Variants in UTRN observed in about 807,000 individuals in gnomAD.
UTRN encodes dystrophin-related protein 1.
In UTRN, 283 loss-of-function variants were observed where a neutral mutation model predicts 463.9. The observed-to-expected ratio is 0.61, with a 90% CI of 0.55 to 0.67. The LOEUF (loss-of-function observed/expected upper bound fraction) is 0.67, where lower values mean the gene tolerates loss of function less well. Among genes scored for constraint, UTRN ranks in the 30% least tolerant of loss-of-function variants. The pLI is 0.00. For missense variants in UTRN, 3,922 were observed against 4,084.3 expected (o/e 0.96, Z 1.08); for synonymous variants, 1,442 against 1,431.5 (o/e 1.01, Z -0.17).
intron 2 of UTRN, among the ~76,000 whole-genome samples, chr6:144,310,514 A>G (rs960081707): frequency 5.4e-5 from 8 of 149,026 alleles, no homozygotes; most frequent in African/African-American, 2.0e-4. Context: ...CAGCCTGGGT[A>G]ACAAGAGTGA....
At chr6:144,528,193 C>T (rs183784614) in intron 41 of UTRN, among the ~76,000 whole-genome samples, 1 of 152,124 alleles carries the variant, frequency 6.6e-6, no homozygotes, top group East Asian at 1.9e-4. Flanking sequence ...CGCATCACCA[C>T]ACCAGCTTAT....
At position 144,537,803 on chromosome 6, in the gene UTRN, G is replaced by A. The variant is rs549660571; in HGVS notation, c.6369+86G>A. On this transcript the variant is annotated intron_variant, in intron 44 of 74. Coordinates refer to ENST00000367545, the MANE Select transcript of UTRN (RefSeq NM_007124.3). ...CATACTGCGTGTCTCAAGAAGAAAA[G>A]GGAAAAGAAACTTTGTACTTTTTGG... 1.4e-5 allele frequency: 21 copies of A among 1,510,624 alleles called. No homozygotes were observed. The East Asian group carries it at 3.8e-4, about 28-fold the overall frequency. 93.6% of individuals were successfully genotyped at this position (1,510,624 alleles called of 1,614,324 possible).
At chr6:144,708,798 G>A (rs187721576) in intron 53 of UTRN, among the ~76,000 whole-genome samples, 1 of 152,266 alleles carries the variant, frequency 6.6e-6, no homozygotes, top group African/African-American at 2.4e-5. Flanking sequence ...AAGGAAGAGA[G>A]ATTTATTTGG....
In UTRN at chr6:144,827,632, G is replaced by A. The variant is rs756962662; in HGVS notation, c.9555G>A (p.Leu3185=). 6.2e-7 allele frequency: 1 copy of A among 1,613,506 alleles called. No homozygotes were observed. The highest frequency in any genetic ancestry group is 8.5e-7 in the Non-Finnish European group (1 of 1,179,720). ...EHYDPSQSPQ[L]FHDDTHSRIE... ...AAAGCCCCTCACAATCTCCTCAACT[G>A]TTTCATGATGACACCCATTCAAGAA... The change falls in exon 68 of 75, where the codon CTG becomes CTA. Residue 3185 remains leucine (L), a synonymous_variant. Coordinates refer to ENST00000367545, the MANE Select transcript of UTRN (RefSeq NM_007124.3).
intron 60 of UTRN, among the ~76,000 whole-genome samples, chr6:144,779,664 G>A (rs773143249): frequency 2.6e-5 from 4 of 152,124 alleles, no homozygotes; most frequent in Non-Finnish European, 4.4e-5. Flanking sequence ...AGGCAGGCAC[G>A]TTCAGTGCTT....
rs190692611 is a variant in UTRN at position 144,650,074 on chromosome 6, G to A, written c.7480-28332G>A. ...TGGAGGCCTCACAATCATGGCAGAA[G>A]GCAAAGGAGAAACAAAGGCACATCT... On this transcript the variant is annotated intron_variant, in intron 51 of 74. Transcript: ENST00000367545. 5.9e-5 allele frequency among the ~76,000 whole-genome samples: 9 copies of A among 152,284 alleles called. No homozygotes were observed. In the East Asian group the frequency reaches 1.7e-3, roughly 29 times the overall value.
chr6:144,461,767 C>T (rs75314951), intron 22 of UTRN, among the ~76,000 whole-genome samples: 1 of 152,158 alleles, frequency 6.6e-6, no homozygotes, highest in Admixed American at 6.5e-5. Flanking sequence ...ACACTTGGCC[C>T]ACACTGGGTT....
intron 34 of UTRN, among the ~76,000 whole-genome samples, chr6:144,506,043 A>G (rs940012371): frequency 6.0e-5 from 9 of 149,948 alleles, no homozygotes; most frequent in Admixed American, 5.3e-4. Flanking sequence ...TTGTTAGTTT[A>G]AAGTCTGTTT....
chr6:144,792,557 A>AG (rs1776855151), intron 62 of UTRN, among the ~76,000 whole-genome samples: 5 of 152,258 alleles, frequency 3.3e-5, no homozygotes, highest in South Asian at 2.1e-4. Context: ...CAAAAAAAAA[A>AG]AGAGAGAGAG....
intron 2 of UTRN, among the ~76,000 whole-genome samples, chr6:144,356,070 C>T (rs1441541636): frequency 6.6e-6 from 1 of 152,122 alleles, no homozygotes; most frequent in African/African-American, 2.4e-5. Context: ...TTGTCATTAG[C>T]CTTCTGGAAC....
intron 2 of UTRN, among the ~76,000 whole-genome samples, chr6:144,356,910 T>C (rs891423571): frequency 2.1e-5 from 3 of 144,184 alleles, no homozygotes; most frequent in African/African-American, 7.9e-5. Flanking sequence ...CACACACACA[T>C]ACTGTTTATC....
chr6:144,491,031 G>A lies in UTRN; in HGVS notation c.4366G>A (p.Ala1456Thr). ...DCKRVLDGVK[A>T]ELHVLDVKDV... Reference sequence around the variant, plus strand: ...CAAGCGTGTGCTGGATGGCGTGAAAGCAGAACTTCACGTTCTGGATGTGAA... The same window carrying A: ...CAAGCGTGTGCTGGATGGCGTGAAAACAGAACTTCACGTTCTGGATGTGAA... The change falls in exon 32 of 75, where the codon GCA becomes ACA. Residue 1456 changes from alanine to threonine, a missense_variant. Coordinates refer to ENST00000367545, the MANE Select transcript of UTRN (RefSeq NM_007124.3). 7.4e-6 allele frequency: 12 copies of A among 1,614,050 alleles called. No individual in the cohort carries two copies. The highest frequency in any genetic ancestry group is 9.3e-6 in the Non-Finnish European group (11 of 1,179,974).
chr6:144,787,833 T>G (rs917301768), intron 61 of UTRN, among the ~76,000 whole-genome samples: 1 of 152,160 alleles, frequency 6.6e-6, no homozygotes, highest in Non-Finnish European at 1.5e-5. Context: ...TGTGCTGTAC[T>G]TGTGTATTAA....
At chr6:144,783,697 T>G (rs1776058263) in intron 61 of UTRN, among the ~76,000 whole-genome samples, 1 of 152,220 alleles carries the variant, frequency 6.6e-6, no homozygotes, top group South Asian at 2.1e-4. Context: ...TATGTACTTT[T>G]GTACCAATTA....
intron 61 of UTRN, among the ~76,000 whole-genome samples, chr6:144,788,812 C>T (rs923735782): frequency 4.1e-4 from 63 of 152,320 alleles, no homozygotes; most frequent in Middle Eastern, 6.8e-3. Flanking sequence ...ATCCGCCTGC[C>T]TTGGCCTCCC....
chr6:144,583,859 T>A (rs1209815528), intron 51 of UTRN, among the ~76,000 whole-genome samples: 1 of 152,132 alleles, frequency 6.6e-6, no homozygotes, highest in Non-Finnish European at 1.5e-5. Flanking sequence ...TTGGAGAAAA[T>A]ATGATGCAAA....
intron 2 of UTRN, among the ~76,000 whole-genome samples, chr6:144,333,667 G>C (rs1584318679): frequency 6.6e-6 from 1 of 152,044 alleles, no homozygotes; most frequent in Admixed American, 6.5e-5. Flanking sequence ...GGCAGATCGG[G>C]CTTCTCAGTT....
intron 25 of UTRN, 140 bp downstream of exon 25, chr6:144,474,899 C>A (rs1270180714): frequency 4.4e-6 from 4 of 912,398 alleles, no homozygotes; most frequent in South Asian, 2.3e-5. Flanking sequence ...TGAGCTGGGG[C>A]CAAAAAAAAA....
chr6:144,739,433 A>G (rs1789804161), intron 54 of UTRN, among the ~76,000 whole-genome samples: 1 of 152,234 alleles, frequency 6.6e-6, no homozygotes, highest in African/African-American at 2.4e-5. Flanking sequence ...TCTTGTATGT[A>G]ATAAAATGAG....
Sources: allele counts gnomAD v4.1 joint callset (sites outside exome capture counted in the v4.1 genomes callset), GRCh38; gene constraint gnomAD v4.1.1; transcripts MANE v1.5; gene names NCBI Gene and HGNC (gene_info 2026-07-23, HGNC 2026-07-21).